The following RNF130 variants were observed in gnomAD, a reference collection of about 807,000 sequenced individuals.
RNF130 encodes ring finger protein 130.
RNF130 carries 21 observed loss-of-function variants against 44.6 expected under a neutral mutation model. The observed-to-expected ratio is 0.47, with a 90% CI of 0.33 to 0.68. RNF130 has a LOEUF of 0.68. Ranked by LOEUF, RNF130 falls within the 30% of genes least tolerant of loss-of-function variation. The pLI, the probability that RNF130 is intolerant of heterozygous loss-of-function variation, is 0.02. For synonymous variants in RNF130, 214 were observed against 210.4 expected (o/e 1.02, Z -0.15); for missense variants, 479 against 560.6 (o/e 0.85, Z 1.47).
chr5:180,040,338 A>G (rs1764377613), intron 2 of RNF130, 115 bp downstream of exon 2: 1 of 975,874 alleles, frequency 1.0e-6, no homozygotes. Context: ...ACAAATGGCA[A>G]TACTAATAGG....
intron 1 of RNF130, among the ~76,000 whole-genome samples, chr5:180,068,874 A>G (rs994516303): frequency 3.3e-5 from 5 of 152,198 alleles, no homozygotes; most frequent in South Asian, 4.1e-4. Context: ...TAATCTGAGC[A>G]TTACTTTGCT....
chr5:180,060,561 C>A (rs1000085115), intron 1 of RNF130, among the ~76,000 whole-genome samples: 1 of 152,182 alleles, frequency 6.6e-6, no homozygotes, highest in Non-Finnish European at 1.5e-5. Context: ...TACCAACACA[C>A]CGCGAGGGCC....
At chr5:179,939,917 T>TCC (rs951262014) in intron 7 of RNF130, 50 of 285,360 alleles carry the variant, frequency 1.8e-4, no homozygotes, top group African/African-American at 1.1e-3. Flanking sequence ...TTCCACCTCC[T>TCC]TCCTCTGTCT....
In RNF130 at chr5:179,961,897, G is replaced by C. The variant is rs367585881; in HGVS notation, c.1244+1574C>G. On this transcript the variant is annotated intron_variant, in intron 8 of 8. Coordinates refer to ENST00000521389, the MANE Select transcript of RNF130 (RefSeq NM_018434.6). ...AATGGCACTGCAGTGGCATTGGCTT[G>C]GCTAACATTTATTGAGCACTTCTTA... Among the ~76,000 whole-genome samples, 51 of 152,268 alleles carry C rather than the reference G, an allele frequency of 3.3e-4. No homozygotes were observed. In the East Asian group the frequency reaches 3.9e-3, roughly 12 times the overall value.
chr5:179,924,176 C>T (rs905052196), intron 7 of RNF130, among the ~76,000 whole-genome samples: 7 of 151,858 alleles, frequency 4.6e-5, no homozygotes, highest in Admixed American at 4.6e-4. Flanking sequence ...GAGACCCTGT[C>T]CCTAAACAAT....
At chr5:180,051,313 G>A (rs1282536555) in intron 1 of RNF130, among the ~76,000 whole-genome samples, 3 of 150,710 alleles carry the variant, frequency 2.0e-5, no homozygotes, top group Non-Finnish European at 3.0e-5. Flanking sequence ...GCAGTGGTGC[G>A]ATCTCGGCTC....
At chr5:179,980,394 G>A in intron 3 of RNF130, 194 bp from the exon 4 acceptor site, 1 of 550,018 alleles carries the variant, frequency 1.8e-6, no homozygotes, top group Non-Finnish European at 3.2e-6. Context: ...AGTAAAAAGT[G>A]TTAGAACACC....
intron 7 of RNF130, among the ~76,000 whole-genome samples, chr5:179,942,790 T>C (rs1582131791): frequency 6.6e-6 from 1 of 152,372 alleles, no homozygotes; most frequent in East Asian, 1.9e-4. Flanking sequence ...GTAATGTTTC[T>C]TAGAACATCC....
chr5:179,957,932 C>G (rs1356867613), intron 8 of RNF130, among the ~76,000 whole-genome samples: 2 of 150,714 alleles, frequency 1.3e-5, no homozygotes, highest in Admixed American at 6.6e-5. Flanking sequence ...GGCTGGAGTG[C>G]AGTGGCGGGA....
intron 7 of RNF130, among the ~76,000 whole-genome samples, chr5:179,921,631 C>CAGTA (rs1761632829): frequency 6.6e-6 from 1 of 152,136 alleles, no homozygotes. Context: ...AACCTTGTCT[C>CAGTA]TACTAAGATA....
chr5:179,912,910 C>T (rs185956518), exon 8 of RNF130: 141 of 152,350 alleles, frequency 9.3e-4, no homozygotes, highest in African/African-American at 3.3e-3. Flanking sequence ...CAGAACCAGT[C>T]TGTGACGCTC....
chr5:180,009,161 A>G (rs1289349594), intron 3 of RNF130, among the ~76,000 whole-genome samples: 1 of 152,188 alleles, frequency 6.6e-6, no homozygotes, highest in Admixed American at 6.5e-5. Flanking sequence ...CTTCCAGGAA[A>G]AATAGTAGAA....
chr5:180,048,291 T>G (rs1013932892), intron 1 of RNF130, among the ~76,000 whole-genome samples: 8 of 152,128 alleles, frequency 5.3e-5, no homozygotes, highest in African/African-American at 1.9e-4. Flanking sequence ...GAGTCTGTAG[T>G]CCGGTTTACG....
At chr5:180,049,447 C>T (rs891270741) in intron 1 of RNF130, among the ~76,000 whole-genome samples, 2 of 152,202 alleles carry the variant, frequency 1.3e-5, no homozygotes, top group Non-Finnish European at 2.9e-5. Context: ...AACAAACCAT[C>T]TGTAACTCTG....
chr5:179,968,871 G>GGA (rs1762515526), intron 6 of RNF130, among the ~76,000 whole-genome samples: 1 of 152,110 alleles, frequency 6.6e-6, no homozygotes, highest in Non-Finnish European at 1.5e-5. Context: ...ACGATGCACA[G>GGA]GACAGCCCCC....
rs911180930 is a variant in RNF130, at chr5:180,016,060, G to A, written c.443-2749C>T. On this transcript the variant is annotated intron_variant, in intron 2 of 8. Coordinates refer to ENST00000521389, the MANE Select transcript of RNF130 (RefSeq NM_018434.6). ...AGGAAGAGAAGCCGCTCGCGGTGGCGTCATTACACCAGCACAGAGAAGAGC... is the reference window on the plus strand; with the variant it reads ...AGGAAGAGAAGCCGCTCGCGGTGGCATCATTACACCAGCACAGAGAAGAGC... Among the ~76,000 whole-genome samples, 41 of 152,276 alleles carry A rather than the reference G, an allele frequency of 2.7e-4. 1 individual carries two copies. The highest frequency in any genetic ancestry group is 6.8e-3 in the Middle Eastern group (2 of 294).
intron 7 of RNF130, chr5:179,940,029 C>G: frequency 4.5e-6 from 1 of 223,778 alleles, no homozygotes; most frequent in Non-Finnish European, 8.8e-6. Flanking sequence ...TCTGCTTCTT[C>G]TTTAGTCTCA....
intron 8 of RNF130, among the ~76,000 whole-genome samples, chr5:179,958,434 A>C (rs1410124950): frequency 6.6e-6 from 1 of 152,194 alleles, no homozygotes; most frequent in Non-Finnish European, 1.5e-5. Flanking sequence ...ACTGCTTTTG[A>C]TATTTAAGGT....
Position 179,991,769 on chromosome 5 carries a change from TAATA to T in RNF130, c.694-11573_694-11570del, listed in dbSNP as rs560893429. ...CTTTATTTCTATTATTATTAAATTG[TAATA>T]TATAATGAAATAATTATACAAATCA... On this transcript the variant is annotated intron_variant, in intron 3 of 8. Coordinates refer to ENST00000521389, the MANE Select transcript of RNF130 (RefSeq NM_018434.6). Among the ~76,000 whole-genome samples, 415 of 152,262 alleles carry T rather than the reference TAATA, an allele frequency of 2.7e-3. 3 individuals carry two copies. The highest frequency in any genetic ancestry group is 0.014 in the Middle Eastern group (4 of 294).
Sources: allele counts gnomAD v4.1 joint callset (sites outside exome capture counted in the v4.1 genomes callset), GRCh38; gene constraint gnomAD v4.1.1; transcripts MANE v1.5; gene names NCBI Gene and HGNC (gene_info 2026-07-23, HGNC 2026-07-21).